The following SPPL3 variants were observed in gnomAD, a reference collection of about 807,000 sequenced individuals.
The protein encoded by SPPL3 is signal peptide peptidase like 3, also known as signal peptide peptidase-like 3.
In SPPL3, 5 loss-of-function variants were observed where a neutral mutation model predicts 42.4. That is an observed-to-expected ratio of 0.12 (90% CI 0.06 to 0.25). The LOEUF (loss-of-function observed/expected upper bound fraction) is 0.25, where lower values mean the gene tolerates loss of function less well. Ranked by LOEUF, SPPL3 falls within the 10% of genes least tolerant of loss-of-function variation. The pLI is 1.00. For synonymous variants in SPPL3, 195 were observed against 181.8 expected (o/e 1.07, Z -0.58); for missense variants, 235 against 489.0 (o/e 0.48, Z 4.90).
At chr12:120,768,663 T>C in intron 7 of SPPL3, 175 bp from the exon 8 acceptor site, 1 of 763,376 alleles carries the variant, frequency 1.3e-6, no homozygotes, top group Non-Finnish European at 2.1e-6. Context: ...ATTTCTGCAC[T>C]CTCCACACCC....
chr12:120,873,769 G>A (rs951103274), intron 1 of SPPL3, among the ~76,000 whole-genome samples: 3 of 152,030 alleles, frequency 2.0e-5, no homozygotes, highest in Non-Finnish European at 4.4e-5. Flanking sequence ...CTACTCAGGA[G>A]GCTGAGGCAG....
chr12:120,885,147 G>C (rs1446847028), intron 1 of SPPL3, among the ~76,000 whole-genome samples: 1 of 152,100 alleles, frequency 6.6e-6, no homozygotes, highest in African/African-American at 2.4e-5. Context: ...TTCTTAGTAA[G>C]GCTAAGGCTT....
intron 3 of SPPL3, among the ~76,000 whole-genome samples, chr12:120,788,261 C>T (rs1869790415): frequency 6.6e-6 from 1 of 152,176 alleles, no homozygotes; most frequent in South Asian, 2.1e-4. Flanking sequence ...TACTTTTCTG[C>T]TTTCTAATGA....
intron 1 of SPPL3, among the ~76,000 whole-genome samples, chr12:120,839,521 C>T (rs566649752): frequency 6.6e-6 from 1 of 151,954 alleles, no homozygotes; most frequent in Admixed American, 6.6e-5. Context: ...TAAACAAAAA[C>T]AAAAACAAAA....
At chr12:120,838,387 G>C (rs1442909388) in intron 1 of SPPL3, among the ~76,000 whole-genome samples, 1 of 152,028 alleles carries the variant, frequency 6.6e-6, no homozygotes, top group Non-Finnish European at 1.5e-5. Flanking sequence ...ACTCACTCCC[G>C]GCTCCAGCTT....
intron 1 of SPPL3, among the ~76,000 whole-genome samples, chr12:120,874,644 G>C (rs1232985995): frequency 6.6e-6 from 1 of 152,044 alleles, no homozygotes; most frequent in Admixed American, 6.6e-5. Context: ...CACATGCCTT[G>C]CTTCCAATAT....
chr12:120,855,976 G>A (rs948383914), intron 1 of SPPL3, among the ~76,000 whole-genome samples: 3 of 152,140 alleles, frequency 2.0e-5, no homozygotes, highest in Non-Finnish European at 4.4e-5. Context: ...ATTAATGTAA[G>A]CCAGCACTGT....
chr12:120,902,931 A>T (rs1292887216), intron 1 of SPPL3, among the ~76,000 whole-genome samples: 1 of 151,476 alleles, frequency 6.6e-6, no homozygotes. Flanking sequence ...CTAAAGGGAG[A>T]CCCCTCATGT....
rs375890089 is a variant in SPPL3 at position 120,768,524 on chromosome 12, T to G, written c.610-36A>C. 3.3e-5 allele frequency: 52 copies of G among 1,584,914 alleles called. No homozygotes were observed. The African/African-American group carries it at 5.4e-4, about 16-fold the overall frequency. ...GGAGAGATGCCTTTAACAGAGGGAG[T>G]TGGAAGCAACCTGCTTTCAGCATCA... On this transcript the variant is annotated intron_variant, in intron 7 of 10. Transcript: ENST00000353487.
At chr12:120,857,385 A>G (rs184178726) in intron 1 of SPPL3, among the ~76,000 whole-genome samples, 3 of 152,358 alleles carry the variant, frequency 2.0e-5, no homozygotes, top group Non-Finnish European at 2.9e-5. Flanking sequence ...GGGAATGTAA[A>G]TTAGTTCAAC....
chr12:120,881,886 C>A (rs1873297183), intron 1 of SPPL3, among the ~76,000 whole-genome samples: 2 of 151,252 alleles, frequency 1.3e-5, no homozygotes, highest in Non-Finnish European at 2.9e-5. Flanking sequence ...GAAAGGAGAA[C>A]AAAGGTTGCC....
chr12:120,880,489 A>G (rs1298913641), intron 1 of SPPL3, among the ~76,000 whole-genome samples: 1 of 152,060 alleles, frequency 6.6e-6, no homozygotes, highest in Admixed American at 6.5e-5. Context: ...ACATAATGGG[A>G]GAAATTATTT....
Position 120,816,014 on chromosome 12 carries a change from G to A in SPPL3, c.24-5128C>T, listed in dbSNP as rs569962020. 3.3e-5 allele frequency among the ~76,000 whole-genome samples: 5 copies of A among 152,248 alleles called. No homozygotes were observed. In the East Asian group the frequency reaches 9.6e-4, roughly 29 times the overall value. ...CAAAATGCCAGGATTACATGCGTAAGCCACCACACCTGGCCTGGATTAAAT... is the reference window on the plus strand; with the variant it reads ...CAAAATGCCAGGATTACATGCGTAAACCACCACACCTGGCCTGGATTAAAT... On this transcript the variant is annotated intron_variant, in intron 1 of 10. Transcript: ENST00000353487.
chr12:120,827,199 T>C (rs1871252583), intron 1 of SPPL3, among the ~76,000 whole-genome samples: 1 of 151,920 alleles, frequency 6.6e-6, no homozygotes, highest in African/African-American at 2.4e-5. Flanking sequence ...TGAACTTCTT[T>C]ATATAATAAA....
chr12:120,813,820 T>C, intron 1 of SPPL3, among the ~76,000 whole-genome samples: 1 of 152,098 alleles, frequency 6.6e-6, no homozygotes, highest in Non-Finnish European at 1.5e-5. Context: ...AATCAGAAAC[T>C]GCCAACTAAT....
chr12:120,852,414 T>C (rs1343430310), intron 1 of SPPL3, among the ~76,000 whole-genome samples: 16 of 32,150 alleles, frequency 5.0e-4, no homozygotes, highest in African/African-American at 1.2e-3. Flanking sequence ...TATATGCATA[T>C]ATAATATACA....
intron 1 of SPPL3, among the ~76,000 whole-genome samples, chr12:120,860,109 G>T (rs1172926157): frequency 1.3e-5 from 2 of 152,106 alleles, no homozygotes; most frequent in African/African-American, 4.8e-5. Context: ...TTAGCTGGGT[G>T]GGAGGATCAC....
intron 1 of SPPL3, among the ~76,000 whole-genome samples, chr12:120,816,377 A>G (rs1870875527): frequency 6.6e-6 from 1 of 152,262 alleles, no homozygotes; most frequent in African/African-American, 2.4e-5. Context: ...TATAATTTAT[A>G]CTAAGATCTT....
chr12:120,819,587 A>T (rs1870986258), intron 1 of SPPL3, among the ~76,000 whole-genome samples: 1 of 152,216 alleles, frequency 6.6e-6, no homozygotes, highest in Non-Finnish European at 1.5e-5. Context: ...TCTTTCAAGT[A>T]AAAATGGTAT....
Sources: gnomAD v4.1 joint callset for allele counts (sites outside exome capture counted in the v4.1 genomes callset) on GRCh38, gnomAD v4.1.1 for gene constraint, MANE v1.5 for transcripts, NCBI Gene and HGNC (gene_info 2026-07-23, HGNC 2026-07-21) for gene names.